The following DDX10 variants were observed in gnomAD, a reference collection of about 807,000 sequenced individuals.
DDX10 encodes the protein DEAD-box helicase 10.
In DDX10, 74 loss-of-function variants were observed where a neutral mutation model predicts 104.3. The observed-to-expected ratio is 0.71, with a 90% CI of 0.59 to 0.86. The LOEUF is 0.86. Ranked by LOEUF, DDX10 falls within the 40% of genes least tolerant of loss-of-function variation. The pLI is 0.00. For missense variants in DDX10, 952 were observed against 1,040.0 expected, an observed-to-expected ratio of 0.92 and a Z score of 1.16; for synonymous variants, 351 against 353.4, an observed-to-expected ratio of 0.99 and a Z score of 0.08.
At chr11:108,892,801 T>C (rs1461594593) in intron 16 of DDX10, among the ~76,000 whole-genome samples, 1 of 152,188 alleles carries the variant, frequency 6.6e-6, no homozygotes, top group Admixed American at 6.5e-5. Context: ...AGGAAGTTCT[T>C]ATTTCTAAAA....
chr11:108,874,912 G>A (rs1863131780), intron 16 of DDX10, among the ~76,000 whole-genome samples: 1 of 152,044 alleles, frequency 6.6e-6, no homozygotes, highest in Non-Finnish European at 1.5e-5. Context: ...GAATGTCTGG[G>A]TTTGAATTCT....
chr11:108,931,614 G>A (rs1033742621), intron 17 of DDX10, among the ~76,000 whole-genome samples: 59 of 152,180 alleles, frequency 3.9e-4, no homozygotes, highest in African/African-American at 1.3e-3. Context: ...TACCTGTAAA[G>A]TTAAGGGGAT....
In DDX10 at chr11:108,665,137, T is replaced by TCGCCGCCGC; in HGVS notation, c.-10_-2dup. On this transcript the variant is annotated 5_prime_UTR_variant, in exon 1 of 18. Coordinates refer to ENST00000322536, the MANE Select transcript of DDX10 (RefSeq NM_004398.4). ...TCGTGTCTGGGGTTGATCCGAGCTG[T>TCGCCGCCGC]CGCCGCCGCCGCCGCAATGGGCAAA... 6.3e-7 allele frequency: 1 copy of TCGCCGCCGC among 1,598,074 alleles called. No individual in the cohort carries two copies. Among genetic ancestry groups the TCGCCGCCGC allele is most frequent in the African/African-American group, 1.3e-5 (1 of 74,228 alleles).
At chr11:108,859,620 T>C (rs763950908) in intron 16 of DDX10, among the ~76,000 whole-genome samples, 3 of 152,242 alleles carry the variant, frequency 2.0e-5, no homozygotes, top group Non-Finnish European at 2.9e-5. Context: ...TCATCATGGT[T>C]GATTCAGCTT....
intron 13 of DDX10, among the ~76,000 whole-genome samples, chr11:108,734,866 G>A (rs1041554743): frequency 1.3e-5 from 2 of 152,178 alleles, no homozygotes; most frequent in Non-Finnish European, 2.9e-5. Flanking sequence ...ACAAGTGCTT[G>A]TTTATATGGC....
chr11:108,816,727 G>GT (rs1862260825), intron 13 of DDX10, among the ~76,000 whole-genome samples: 2 of 151,790 alleles, frequency 1.3e-5, no homozygotes, highest in Non-Finnish European at 2.9e-5. Context: ...TAATTTTTGT[G>GT]TTTTTTAGTA....
At chr11:108,741,279 C>G (rs2094324912) in intron 13 of DDX10, among the ~76,000 whole-genome samples, 1 of 151,942 alleles carries the variant, frequency 6.6e-6, no homozygotes, top group South Asian at 2.1e-4. Context: ...ATTGCCTTGT[C>G]TATTTGGGCT....
At chr11:108,777,301 TTTTTTC>T (rs2094371126) in intron 13 of DDX10, among the ~76,000 whole-genome samples, 2 of 152,244 alleles carry the variant, frequency 1.3e-5, no homozygotes, top group African/African-American at 4.8e-5. Context: ...TTGAGGGTTC[TTTTTTC>T]TTTTTCTTTT....
At chr11:108,718,267 G>T (rs1316315720) in intron 11 of DDX10, among the ~76,000 whole-genome samples, 1 of 152,150 alleles carries the variant, frequency 6.6e-6, no homozygotes, top group Non-Finnish European at 1.5e-5. Flanking sequence ...TATATCAGGA[G>T]AAATTAATTC....
intron 14 of DDX10, among the ~76,000 whole-genome samples, chr11:108,841,081 A>G (rs550464651): frequency 1.3e-5 from 2 of 152,330 alleles, no homozygotes; most frequent in East Asian, 1.9e-4. Flanking sequence ...CTTCCAAATT[A>G]TTTGGTGAAA....
chr11:108,672,290 G>T (rs1212235951), intron 1 of DDX10, among the ~76,000 whole-genome samples: 2 of 152,080 alleles, frequency 1.3e-5, no homozygotes, highest in Non-Finnish European at 2.9e-5. Flanking sequence ...GCCTCCTTCT[G>T]TAGGCATTCC....
chr11:108,798,707 A>T (rs112066518), intron 13 of DDX10, among the ~76,000 whole-genome samples: 3,346 of 152,102 alleles, frequency 0.022, 113 homozygotes, highest in African/African-American at 0.076. Context: ...AGGGTTGAGG[A>T]TGTTAGTGTA....
chr11:108,742,920 C>T (rs2094327038), intron 13 of DDX10, among the ~76,000 whole-genome samples: 1 of 152,016 alleles, frequency 6.6e-6, no homozygotes, highest in African/African-American at 2.4e-5. Context: ...CAGAAAAAGC[C>T]CAGTACCAGA....
chr11:108,695,760 G>GTT lies in DDX10; in HGVS notation c.1223+2171_1223+2172dup, dbSNP rs34985675. On this transcript the variant is annotated intron_variant, in intron 9 of 17. Coordinates refer to ENST00000322536, the MANE Select transcript of DDX10 (RefSeq NM_004398.4). ...TGTTTGAATGTATGAGTGTTTAAGT[G>GTT]TTTTTTTTTTTTGTTTTTTTTGATT... 5.3e-4 allele frequency among the ~76,000 whole-genome samples: 74 copies of GTT among 139,132 alleles called. No homozygotes were observed. The East Asian group carries it at 0.011, about 21-fold the overall frequency. The allele number at this position is 139,132 out of a possible 152,430, so 91.3% of individuals were successfully genotyped here.
chr11:108,677,564 GTATC>G (rs934395495), intron 4 of DDX10, among the ~76,000 whole-genome samples: 16 of 151,760 alleles, frequency 1.1e-4, no homozygotes, highest in African/African-American at 3.9e-4. Flanking sequence ...TTTTAATAAG[GTATC>G]TATCTAAGAG....
At position 108,898,662 on chromosome 11, in the gene DDX10, A is replaced by G. The variant is rs1333682197; in HGVS notation, c.2305-19211A>G. On this transcript the variant is annotated intron_variant, in intron 16 of 17. Coordinates refer to ENST00000322536, the MANE Select transcript of DDX10 (RefSeq NM_004398.4). Reference sequence around the variant, plus strand: ...CTCCCATTAATCAAAATTTTGGAGAAAAAAAAAAAAAAAACAAGCGAGATT... The same window carrying G: ...CTCCCATTAATCAAAATTTTGGAGAGAAAAAAAAAAAAAACAAGCGAGATT... Among the ~76,000 whole-genome samples, 53 of 137,720 alleles carry G rather than the reference A, an allele frequency of 3.8e-4. 1 individual carries two copies. The highest frequency in any genetic ancestry group is 1.1e-3 in the African/African-American group (34 of 30,138). The allele number at this position is 137,720 out of a possible 152,430, so 90.3% of individuals were successfully genotyped here.
At chr11:108,864,202 A>C (rs1862976599) in intron 16 of DDX10, among the ~76,000 whole-genome samples, 1 of 152,146 alleles carries the variant, frequency 6.6e-6, no homozygotes, top group Admixed American at 6.5e-5. Context: ...GTTCTCAGAT[A>C]CTTAGGATTT....
chr11:108,856,438 AC>A (rs1862870682), intron 16 of DDX10, among the ~76,000 whole-genome samples: 1 of 152,042 alleles, frequency 6.6e-6, no homozygotes, highest in African/African-American at 2.4e-5. Context: ...CTCAAACAAA[AC>A]AAACAAACAA....
At chr11:108,866,195 T>TG (rs1863006259) in intron 16 of DDX10, among the ~76,000 whole-genome samples, 1 of 152,032 alleles carries the variant, frequency 6.6e-6, no homozygotes, top group Non-Finnish European at 1.5e-5. Context: ...TCACAAATCC[T>TG]GGGGAACAGC....
Sources: allele counts gnomAD v4.1 joint callset (sites outside exome capture counted in the v4.1 genomes callset), GRCh38; gene constraint gnomAD v4.1.1; transcripts MANE v1.5; gene names NCBI Gene and HGNC (gene_info 2026-07-23, HGNC 2026-07-21).